The following CHRNA3 variants were observed in gnomAD, a reference collection of about 807,000 sequenced individuals.
CHRNA3 encodes the protein cholinergic receptor nicotinic alpha 3 subunit.
Under a neutral mutation model 41.9 loss-of-function variants are expected in CHRNA3, and 34 were observed. The ratio of observed to expected loss-of-function variants is 0.81; its 90% CI spans 0.62 to 1.08. The LOEUF (loss-of-function observed/expected upper bound fraction) is 1.08, where lower values mean the gene tolerates loss of function less well. Among genes scored for constraint, CHRNA3 ranks in the 50% least tolerant of loss-of-function variants. The pLI is 0.00. For synonymous variants in CHRNA3, 281 were observed against 265.2 expected (o/e 1.06, Z -0.58); for missense variants, 542 against 638.3 (o/e 0.85, Z 1.63).
chr15:78,615,987 C>T (rs2053455349), intron 4 of CHRNA3, among the ~76,000 whole-genome samples: 1 of 151,026 alleles, frequency 6.6e-6, no homozygotes, highest in African/African-American at 2.4e-5. Flanking sequence ...AGTGATCCTC[C>T]TGCCTCGGCC....
In CHRNA3 at chr15:78,615,142, G is replaced by A. The variant is rs562352329; in HGVS notation, c.377+1882C>T. 4.6e-5 allele frequency among the ~76,000 whole-genome samples: 7 copies of A among 152,300 alleles called. No individual in the cohort carries two copies. In the South Asian group the frequency reaches 6.2e-4, roughly 14 times the overall value. On this transcript the variant is annotated intron_variant, in intron 4 of 5. Coordinates refer to ENST00000326828, the MANE Select transcript of CHRNA3 (RefSeq NM_000743.5). ...ACGACCTGGATGCAGCCACCCAGAC[G>A]GGCTGGGAGCACGGGGCCCAGAATG...
intron 4 of CHRNA3, among the ~76,000 whole-genome samples, chr15:78,610,470 T>C (rs1364108553): frequency 6.6e-6 from 1 of 152,170 alleles, no homozygotes; most frequent in Non-Finnish European, 1.5e-5. Flanking sequence ...TGCTCCTGAA[T>C]GACTACTGGG....
chr15:78,617,631 G>A (rs916416054), intron 3 of CHRNA3, among the ~76,000 whole-genome samples: 3 of 152,176 alleles, frequency 2.0e-5, no homozygotes, highest in African/African-American at 7.2e-5. Flanking sequence ...TCCAGAGGCT[G>A]GGAGGTCTGA....
rs1399448790 is a variant in CHRNA3 at position 78,596,522 on chromosome 15, C to T, written c.*82G>A. Reference sequence around the variant, plus strand: ...AAAAACAAAGCTGGTAGCTTGATAACAGAAAGTACGTTCTTACTAGGAAGC... The same window carrying T: ...AAAAACAAAGCTGGTAGCTTGATAATAGAAAGTACGTTCTTACTAGGAAGC... On this transcript the variant is annotated 3_prime_UTR_variant, in exon 6 of 6. Transcript: ENST00000326828. The T allele has an allele frequency of 2.2e-6, 3 of 1,348,120 alleles. No homozygotes were observed. Among genetic ancestry groups the T allele is most frequent in the African/African-American group, 1.5e-5 (1 of 66,922 alleles). The allele number at this position is 1,348,120 out of a possible 1,614,324, so 83.5% of individuals were successfully genotyped here. A position where few individuals can be genotyped will look rare whatever the true frequency, so the allele number is the denominator to read the frequency against.
downstream of CHRNA3, chr15:78,594,765 T>C (rs539579411): frequency 3.3e-5 from 5 of 152,260 alleles, no homozygotes; most frequent in Non-Finnish European, 5.9e-5. Flanking sequence ...CACACTGTTA[T>C]ATACCTGTAA....
intron 4 of CHRNA3, among the ~76,000 whole-genome samples, chr15:78,615,217 ATCAATCCTT>A (rs758136471): frequency 9.2e-5 from 14 of 152,194 alleles, no homozygotes; most frequent in Non-Finnish European, 1.6e-4. Context: ...TTGGGGGGCT[ATCAATCCTT>A]TCTCCAAGGC....
intron 4 of CHRNA3, chr15:78,607,553 C>G (rs1193247527): frequency 7.0e-6 from 1 of 142,258 alleles, no homozygotes; most frequent in Non-Finnish European, 1.5e-5. Context: ...ACGGTGAAAC[C>G]CCGTCGCTAC....
In CHRNA3 at chr15:78,596,030, CAATG is replaced by C. The variant is rs1567069759; in HGVS notation, c.*570_*573del. The C allele has an allele frequency of 2.1e-6, 2 of 964,482 alleles. No individual in the cohort carries two copies. Among genetic ancestry groups the C allele is most frequent in the African/African-American group, 1.8e-5 (1 of 56,690 alleles). The allele number at this position is 964,482 out of a possible 1,614,324, so 59.7% of individuals were successfully genotyped here. ...TGGTGTACTAAGACAGTTATATTAA[CAATG>C]AATAACTAGGCATGATTTCTCATGG... On this transcript the variant is annotated 3_prime_UTR_variant, in exon 6 of 6. Coordinates refer to ENST00000326828, the MANE Select transcript of CHRNA3 (RefSeq NM_000743.5).
intron 1 of CHRNA3, chr15:78,620,402 C>CAGCGCGGGGCAGGGCGACGGGCAGCGCGG: frequency 4.3e-6 from 1 of 230,600 alleles, no homozygotes; most frequent in Non-Finnish European, 8.6e-6. Context: ...CGCGGGGACG[C>CAGCGCGGGGCAGGGCGACGGGCAGCGCGG]GAATCCCCAA....
intron 4 of CHRNA3, among the ~76,000 whole-genome samples, chr15:78,603,780 G>A (rs1223170437): frequency 1.3e-5 from 2 of 152,122 alleles, no homozygotes; most frequent in African/African-American, 4.8e-5. Context: ...TGGCTAGTTT[G>A]CCCCCAATGG....
chr15:78,602,051 G>A lies in CHRNA3; in HGVS notation c.591C>T (p.Asn197=). The A allele has an allele frequency of 4.3e-6, 7 of 1,614,168 alleles. No homozygotes were observed. Among genetic ancestry groups the A allele is most frequent in the Non-Finnish European group, 5.9e-6 (7 of 1,180,000 alleles). Residue 197 remains asparagine (N), a synonymous_variant, in exon 5 of 6, where the codon AAC becomes AAT. Transcript: ENST00000326828. ...IDLVLIGSSM[N]LKDYWESGEW... ...CGCCGCTCTCCCAATAGTCCTTGAGGTTCATGGAAGAGCCGATCAGGACCA... is the reference window on the plus strand; with the variant it reads ...CGCCGCTCTCCCAATAGTCCTTGAGATTCATGGAAGAGCCGATCAGGACCA...
chr15:78,608,725 G>C (rs1319577103), intron 4 of CHRNA3, among the ~76,000 whole-genome samples: 31 of 151,376 alleles, frequency 2.0e-4, no homozygotes, highest in Admixed American at 2.0e-3. Context: ...AACAAAGCTG[G>C]ACGGAGAATG....
In CHRNA3 at chr15:78,618,865, C is replaced by T. The variant is rs369004351; in HGVS notation, c.133G>A (p.Asp45Asn). The T allele has an allele frequency of 1.2e-6, 2 of 1,613,942 alleles. No individual in the cohort carries two copies. Among genetic ancestry groups the T allele is most frequent in the African/African-American group, 2.7e-5 (2 of 74,938 alleles). Residue 45 changes from aspartate to asparagine, a missense_variant, in exon 2 of 6, where the codon GAT (aspartate) becomes AAT (asparagine). Coordinates refer to ENST00000326828, the MANE Select transcript of CHRNA3 (RefSeq NM_000743.5). ...EHRLFERLFE[D>N]YNEIIRPVAN... ...ACAGGCCGGATGATCTCATTGTAAT[C>T]TTCAAACAGCCGCTCAAATAGACGG... is the stretch of plus-strand genomic sequence containing the variant.
Position 78,596,372 on chromosome 15 carries a change from T to C in CHRNA3, c.*232A>G. 8.5e-7 allele frequency: 1 copy of C among 1,173,258 alleles called. No homozygotes were observed. Among genetic ancestry groups the C allele is most frequent in the Non-Finnish European group, 1.1e-6 (1 of 949,250 alleles). The allele number at this position is 1,173,258 out of a possible 1,614,324, so 72.7% of individuals were successfully genotyped here. A position where few individuals can be genotyped will look rare whatever the true frequency, so the allele number is the denominator to read the frequency against. On this transcript the variant is annotated 3_prime_UTR_variant, in exon 6 of 6. Transcript: ENST00000326828. ...CATACTAATCACATAGAATCACATT[T>C]TGACATCTCTTTACCATACCAAAAA...
At chr15:78,607,218 CA>C (rs34822304) in intron 4 of CHRNA3, among the ~76,000 whole-genome samples, 5,605 of 111,120 alleles carry the variant, frequency 0.05, 233 homozygotes, top group African/African-American at 0.17. Context: ...ACTCTGTCTC[CA>C]AAAAAAAAAA....
intron 4 of CHRNA3, among the ~76,000 whole-genome samples, chr15:78,603,103 T>C (rs942253425): frequency 6.6e-6 from 1 of 152,174 alleles, no homozygotes; most frequent in African/African-American, 2.4e-5. Flanking sequence ...AATCTCTGTC[T>C]CCCGGGGTTC....
chr15:78,606,910 C>A (rs1389420504), intron 4 of CHRNA3, among the ~76,000 whole-genome samples: 5 of 151,434 alleles, frequency 3.3e-5, no homozygotes, highest in African/African-American at 4.9e-5. Context: ...AAAAAACACA[C>A]AAAAAAGAAA....
Position 78,620,666 on chromosome 15 carries a change from C to G in CHRNA3, c.82+47G>C, listed in dbSNP as rs553780887. 25 of 1,497,072 alleles carry G rather than the reference C, an allele frequency of 1.7e-5. No homozygotes were observed. In the African/African-American group the frequency reaches 2.5e-4, roughly 15 times the overall value. 92.7% of individuals were successfully genotyped at this position (1,497,072 alleles called of 1,614,324 possible). ...GGCAGCCCCTCCGGACCCCGCGCCC[C>G]TTCTCGGGCGCCCGTCCCTCCGGAG... On this transcript the variant is annotated intron_variant, in intron 1 of 5. Transcript: ENST00000326828.
intron 5 of CHRNA3, among the ~76,000 whole-genome samples, chr15:78,598,207 G>A (rs781463652): frequency 6.6e-6 from 1 of 152,128 alleles, no homozygotes; most frequent in Non-Finnish European, 1.5e-5. Flanking sequence ...TCTGTAAAAT[G>A]GGGATAAGAA....
Sources: allele counts gnomAD v4.1 joint callset (sites outside exome capture counted in the v4.1 genomes callset), GRCh38; gene constraint gnomAD v4.1.1; transcripts MANE v1.5; gene names NCBI Gene and HGNC (gene_info 2026-07-23, HGNC 2026-07-21).